The following EEIG1 variants were observed in gnomAD, a reference collection of about 807,000 sequenced individuals.
The protein encoded by EEIG1 is estrogen-induced osteoclastogenesis regulator 1, also known as early estrogen-induced gene 1 protein.
the EEIG1 span, among the ~76,000 whole-genome samples, chr9:127,966,887 C>T: frequency 6.6e-6 from 1 of 152,240 alleles, no homozygotes; most frequent in African/African-American, 2.4e-5. Context: ...GTGGTCTGTA[C>T]TCCCAGGCCC....
the EEIG1 span, among the ~76,000 whole-genome samples, chr9:127,978,786 A>C: frequency 6.6e-6 from 1 of 152,138 alleles, no homozygotes. Context: ...GCAGTGACCC[A>C]AGATCACGCC....
At chr9:127,941,014 T>C in the EEIG1 span, 1 of 152,192 alleles carries the variant, frequency 6.6e-6, no homozygotes, top group Non-Finnish European at 1.5e-5. Context: ...TCTCTCAATA[T>C]ATAGAATTTG....
At chr9:127,945,302 G>T in the EEIG1 span, 1 of 1,275,112 alleles carries the variant, frequency 7.8e-7, no homozygotes, top group Non-Finnish European at 1.1e-6. This position sits in a 1 kb window ranked among gnomAD's most constrained non-coding sequence, Gnocchi z 6.5. Context: ...AGGTAAAGAA[G>T]CGGAGGTTCA....
the EEIG1 span, among the ~76,000 whole-genome samples, chr9:127,958,673 A>G: frequency 1.3e-5 from 2 of 152,128 alleles, no homozygotes; most frequent in Admixed American, 6.6e-5. Flanking sequence ...TTAAAAAAAA[A>G]AGAAAAAACA....
the EEIG1 span, among the ~76,000 whole-genome samples, chr9:127,951,478 C>G: frequency 2.0e-5 from 3 of 152,154 alleles, no homozygotes; most frequent in African/African-American, 7.2e-5. Flanking sequence ...CAGATCCTAG[C>G]CCCGCCATGG....
chr9:127,947,263 C>CA, the EEIG1 span, among the ~76,000 whole-genome samples: 768 of 94,594 alleles, frequency 8.1e-3, 26 homozygotes, highest in East Asian at 0.1. Context: ...ACTAAAAATA[C>CA]AAAAAAAAAA....
the EEIG1 span, among the ~76,000 whole-genome samples, chr9:127,951,750 G>A: frequency 6.7e-6 from 1 of 149,282 alleles, no homozygotes; most frequent in Non-Finnish European, 1.5e-5. Context: ...CCGGGAGGCG[G>A]AGCTTGTAGT....
the EEIG1 span, among the ~76,000 whole-genome samples, chr9:127,964,435 C>T: frequency 1.3e-5 from 2 of 152,332 alleles, no homozygotes; most frequent in African/African-American, 4.8e-5. Context: ...GGCCAGGTGC[C>T]GTAGGGCTGT....
chr9:127,953,523 C>T, the EEIG1 span: 1 of 1,570,594 alleles, frequency 6.4e-7, no homozygotes, highest in East Asian at 2.2e-5. Context: ...TTGTGCCTGT[C>T]CCATGCCACC....
chr9:127,943,285 C>T, the EEIG1 span: 1 of 1,584,300 alleles, frequency 6.3e-7, no homozygotes, highest in Non-Finnish European at 8.7e-7. Flanking sequence ...ACCCCATTTC[C>T]TGAGCGCTCC....
chr9:127,943,019 T>A, the EEIG1 span: 59 of 658,950 alleles, frequency 9.0e-5, no homozygotes, highest in Non-Finnish European at 1.5e-4. Context: ...GGTCCCAGCA[T>A]GGATGGGAGG....
the EEIG1 span, chr9:127,942,703 GCCC>G: frequency 5.9e-6 from 1 of 168,336 alleles, no homozygotes; most frequent in African/African-American, 2.4e-5. Flanking sequence ...AGGTGGTCTG[GCCC>G]CCCCACCACC....
the EEIG1 span, among the ~76,000 whole-genome samples, chr9:127,964,720 C>T: frequency 6.6e-6 from 1 of 152,202 alleles, no homozygotes; most frequent in African/African-American, 2.4e-5. Flanking sequence ...CCACTGGGTG[C>T]CCAGCACGAA....
chr9:127,976,563 C>T, the EEIG1 span, among the ~76,000 whole-genome samples: 2 of 152,214 alleles, frequency 1.3e-5, no homozygotes, highest in Non-Finnish European at 2.9e-5. The surrounding 1 kb of genome is among the most constrained non-coding windows in gnomAD (Gnocchi z 4.1). Context: ...CAGTCAGCAC[C>T]CTGCCTGGCA....
At chr9:127,978,081 C>T in the EEIG1 span, among the ~76,000 whole-genome samples, 3 of 152,162 alleles carry the variant, frequency 2.0e-5, no homozygotes, top group Non-Finnish European at 4.4e-5. Flanking sequence ...ACCAAGGAGG[C>T]CAGCCACCCC....
the EEIG1 span, chr9:127,953,472 G>C: frequency 2.1e-6 from 2 of 966,474 alleles, no homozygotes; most frequent in East Asian, 4.8e-5. Context: ...GTAGGGCTGA[G>C]TGCCTCTTGC....
At chr9:127,965,354 A>C in the EEIG1 span, among the ~76,000 whole-genome samples, 1 of 152,176 alleles carries the variant, frequency 6.6e-6, no homozygotes, top group African/African-American at 2.4e-5. Flanking sequence ...ACCCTGGTTG[A>C]GAGCCACTGC....
the EEIG1 span, chr9:127,953,471 A>G: frequency 1.1e-6 from 1 of 947,290 alleles, no homozygotes. Context: ...GGTAGGGCTG[A>G]GTGCCTCTTG....
chr9:127,959,640 A>G, the EEIG1 span, among the ~76,000 whole-genome samples: 1 of 152,128 alleles, frequency 6.6e-6, no homozygotes, highest in East Asian at 1.9e-4. Context: ...ATGAGATCTG[A>G]TGGTTTTATA....
Sources: gnomAD v4.1 joint callset for allele counts (sites outside exome capture counted in the v4.1 genomes callset) on GRCh38, gnomAD v4.1.1 for gene constraint, Gnocchi (gnomAD v3.1) non-coding constraint, MANE v1.5 for transcripts, NCBI Gene and HGNC (gene_info 2026-07-23, HGNC 2026-07-21) for gene names.